The following OGDH variants were observed in gnomAD, a reference collection of about 807,000 sequenced individuals.
The protein encoded by OGDH is 2-oxoglutarate dehydrogenase complex component E1.
A neutral mutation model predicts 116.6 loss-of-function variants in OGDH; 38 were observed. That is an observed-to-expected ratio of 0.33 (90% CI 0.25 to 0.43). OGDH has a LOEUF of 0.43. Ranked by LOEUF, OGDH falls within the 20% of genes least tolerant of loss-of-function variation. OGDH has a pLI of 1.00. For missense variants in OGDH, 825 were observed against 1,357.2 expected, an observed-to-expected ratio of 0.61 and a Z score of 6.16; for synonymous variants, 488 against 533.3, an observed-to-expected ratio of 0.92 and a Z score of 1.17.
chr7:44,684,934 C>T (rs757079850), intron 10 of OGDH, among the ~76,000 whole-genome samples: 6 of 151,856 alleles, frequency 4.0e-5, no homozygotes, highest in African/African-American at 7.3e-5. Context: ...ATTACAGGCA[C>T]GTGCCACCAC....
chr7:44,667,239 GTC>G (rs1238512846), intron 5 of OGDH, among the ~76,000 whole-genome samples: 7 of 152,096 alleles, frequency 4.6e-5, no homozygotes, highest in African/African-American at 1.7e-4. Context: ...ACATGAACCT[GTC>G]TGTCTTTTTA....
intron 1 of OGDH, among the ~76,000 whole-genome samples, chr7:44,607,702 T>G (rs1203334254): frequency 6.6e-6 from 1 of 152,164 alleles, no homozygotes; most frequent in Non-Finnish European, 1.5e-5. Context: ...ATGCTCATTT[T>G]TTGTTGTTGT....
chr7:44,664,092 A>G (rs1787075157), intron 4 of OGDH, among the ~76,000 whole-genome samples: 1 of 152,146 alleles, frequency 6.6e-6, no homozygotes, highest in African/African-American at 2.4e-5. Context: ...ATTATAGTTT[A>G]TTGAAACCAG....
intron 1 of OGDH, among the ~76,000 whole-genome samples, chr7:44,616,806 T>TACATATATATAC (rs1491568368): frequency 6.2e-5 from 5 of 80,844 alleles, no homozygotes; most frequent in African/African-American, 2.1e-4. Context: ...TGTATATATA[T>TACATATATATAC]GCATATATAC....
At chr7:44,624,250 C>T in intron 1 of OGDH, 67 bp from the exon 2 acceptor site, 1 of 1,074,022 alleles carries the variant, frequency 9.3e-7, no homozygotes, top group South Asian at 1.4e-5. Context: ...GATCTAGTAG[C>T]CTTGTCTCCT....
intron 9 of OGDH, among the ~76,000 whole-genome samples, chr7:44,678,588 C>G (rs1787797909): frequency 6.6e-6 from 1 of 152,156 alleles, no homozygotes. Context: ...CTGTCAGTCC[C>G]TTTGTTTTCC....
chr7:44,634,988 T>C (rs1278614965), intron 2 of OGDH, among the ~76,000 whole-genome samples: 1 of 152,192 alleles, frequency 6.6e-6, no homozygotes, highest in Non-Finnish European at 1.5e-5. Context: ...ATCTTGTTCT[T>C]AGGATATTTT....
chr7:44,705,154 G>A (rs1390077293), intron 20 of OGDH, among the ~76,000 whole-genome samples: 46 of 134,376 alleles, frequency 3.4e-4, no homozygotes, highest in African/African-American at 5.2e-4. Flanking sequence ...CCGGGTTCAC[G>A]CCATTCTCCT....
chr7:44,676,688 A>T, intron 9 of OGDH: 1 of 363,846 alleles, frequency 2.7e-6, no homozygotes, highest in Non-Finnish European at 3.8e-6. Context: ...AGTCCTGCTT[A>T]CAGTGTTCCT....
At chr7:44,684,782 C>G (rs1196398344) in intron 10 of OGDH, among the ~76,000 whole-genome samples, 3 of 151,834 alleles carry the variant, frequency 2.0e-5, no homozygotes, top group Admixed American at 2.0e-4. Context: ...CACTACTGAA[C>G]TGAGTTTTTT....
At chr7:44,658,675 A>G (rs1374569033) in intron 4 of OGDH, among the ~76,000 whole-genome samples, 1 of 152,124 alleles carries the variant, frequency 6.6e-6, no homozygotes, top group Non-Finnish European at 1.5e-5. Context: ...TGAGTCTTTC[A>G]TCATTAAGTA....
At chr7:44,661,762 C>T (rs1295469154) in intron 4 of OGDH, among the ~76,000 whole-genome samples, 2 of 151,690 alleles carry the variant, frequency 1.3e-5, no homozygotes, top group Non-Finnish European at 2.9e-5. Flanking sequence ...CCACCACACC[C>T]AGATAATTTT....
At position 44,643,589 on chromosome 7, in the gene OGDH, G is replaced by T. The variant is rs147716791; in HGVS notation, c.223-1738G>T. 3.9e-5 allele frequency among the ~76,000 whole-genome samples: 6 copies of T among 152,212 alleles called. No individual in the cohort carries two copies. The East Asian group carries it at 1.2e-3, about 29-fold the overall frequency. ...TTGGTAGTGGGACCATCTGAGTGAC[G>T]TACATCTGTGCCCTAGCCAGCATTA... On this transcript the variant is annotated intron_variant, in intron 2 of 22. Coordinates refer to ENST00000222673, the MANE Select transcript of OGDH (RefSeq NM_002541.4).
In OGDH at chr7:44,696,938, G is replaced by A. The variant is rs758725914; in HGVS notation, c.1925G>A (p.Arg642His). 17 of 1,613,344 alleles carry A rather than the reference G, an allele frequency of 1.1e-5. No individual in the cohort carries two copies. The highest frequency in any genetic ancestry group is 4.0e-5 in the African/African-American group (3 of 74,942). ...GGGCTGAGCCGGATCTTGAAGACTC[G>A]TGGGGAAATGGTGAAGAACCGGACT... The part of the protein sequence containing the change: ...HGGLSRILKT[R>H]GEMVKNRTVD... The change falls in exon 15 of 23, where the codon CGT becomes CAT. Residue 642 changes from arginine (R) to histidine (H), a missense_variant. Arg to His is a conservative substitution (Grantham distance 29). Transcript: ENST00000222673.
chr7:44,673,637 C>A, intron 5 of OGDH, 150 bp from the exon 6 acceptor site: 1 of 762,218 alleles, frequency 1.3e-6, no homozygotes, highest in Non-Finnish European at 2.2e-6. Context: ...GCACCCACTC[C>A]ATCCCATCCT....
At chr7:44,674,335 A>G (rs1787597378) in intron 6 of OGDH, 76 bp from the exon 7 acceptor site, 1 of 1,582,874 alleles carries the variant, frequency 6.3e-7, no homozygotes, top group Non-Finnish European at 8.7e-7. Flanking sequence ...GTGAGCCTCC[A>G]TGCCTGGCCA....
intron 4 of OGDH, among the ~76,000 whole-genome samples, chr7:44,653,298 G>A (rs1027230342): frequency 2.0e-5 from 3 of 152,030 alleles, no homozygotes; most frequent in Non-Finnish European, 4.4e-5. Flanking sequence ...TCACTGTGTT[G>A]GTCAGGCTGG....
intron 5 of OGDH, among the ~76,000 whole-genome samples, chr7:44,673,275 G>A (rs977651613): frequency 4.6e-5 from 7 of 152,160 alleles, no homozygotes; most frequent in East Asian, 1.9e-4. Context: ...CTCTGATAGC[G>A]CTACTGCACT....
intron 2 of OGDH, among the ~76,000 whole-genome samples, chr7:44,641,882 A>G (rs879734715): frequency 2.6e-5 from 4 of 152,210 alleles, no homozygotes; most frequent in African/African-American, 4.8e-5. Flanking sequence ...TGACAGAACC[A>G]GTCATGGACT....
Sources: allele counts gnomAD v4.1 joint callset (sites outside exome capture counted in the v4.1 genomes callset), GRCh38; gene constraint gnomAD v4.1.1; transcripts MANE v1.5; gene names NCBI Gene and HGNC (gene_info 2026-07-23, HGNC 2026-07-21).